NANOS3: variants seen among roughly 807,000 people sequenced by gnomAD.
NANOS3 encodes the protein nanos C2HC-type zinc finger 3, also known as nanos homolog 3.
In NANOS3, 11 loss-of-function variants were observed where a neutral mutation model predicts 13.8. The observed-to-expected ratio is 0.80, with a 90% CI of 0.50 to 1.32. The LOEUF (loss-of-function observed/expected upper bound fraction) is 1.32, where lower values mean the gene tolerates loss of function less well. Among genes scored for constraint, NANOS3 ranks in the 40% most tolerant of loss-of-function variants. The pLI is 0.00. For synonymous variants in NANOS3, 119 were observed against 115.4 expected, an observed-to-expected ratio of 1.03 and a Z score of -0.20; for missense variants, 221 against 263.8, an observed-to-expected ratio of 0.84 and a Z score of 1.12.
At chr19:13,877,904 T>C (rs753732286) in intron 1 of NANOS3, 139 bp downstream of exon 1, 126 of 1,405,054 alleles carry the variant, frequency 9.0e-5, no homozygotes, top group Non-Finnish European at 1.1e-4. Context: ...GTTGATTTTA[T>C]TTACGTATTT....
At chr19:13,867,917 T>C (rs887648951) in intron 1 of NANOS3, among the ~76,000 whole-genome samples, 4 of 152,058 alleles carry the variant, frequency 2.6e-5, no homozygotes, top group Non-Finnish European at 4.4e-5. Context: ...ACATCTACAA[T>C]AATACTGACA....
At chr19:13,877,881 G>C (rs1382507692) in intron 1 of NANOS3, 116 bp downstream of exon 1, 2 of 1,424,972 alleles carry the variant, frequency 1.4e-6, no homozygotes, top group Non-Finnish European at 1.8e-6. Flanking sequence ...CTTAGAGAGA[G>C]CTTAGAACAG....
chr19:13,880,527 G>C lies in NANOS3; in HGVS notation c.*24G>C. ...AGGAGGCTGCCTACACCTGGGCAAG[G>C]GCACCCGGGCTCGGCTGGATTTCCA... On this transcript the variant is annotated 3_prime_UTR_variant, in exon 2 of 2. Transcript: ENST00000339133. 1 of 1,610,136 alleles carries C rather than the reference G, an allele frequency of 6.2e-7. No individual in the cohort carries two copies. The highest frequency in any genetic ancestry group is 8.5e-7 in the Non-Finnish European group (1 of 1,177,074).
chr19:13,874,355 G>A (rs988310275), upstream of NANOS3, among the ~76,000 whole-genome samples: 11 of 152,312 alleles, frequency 7.2e-5, no homozygotes, highest in South Asian at 2.1e-4. Flanking sequence ...GGAACACTTG[G>A]AATGCCTCCT....
Position 13,880,552 on chromosome 19 carries a change from A to G in NANOS3, c.*49A>G, listed in dbSNP as rs1438804084. 1.3e-6 allele frequency: 2 copies of G among 1,544,950 alleles called. No individual in the cohort carries two copies. Among genetic ancestry groups the G allele is most frequent in the Non-Finnish European group, 1.8e-6 (2 of 1,118,532 alleles). ...GGCACCCGGGCTCGGCTGGATTTCC[A>G]GGAAGACCCACCCTATGACGACTGC... On this transcript the variant is annotated 3_prime_UTR_variant, in exon 2 of 2. Coordinates refer to ENST00000339133, the MANE Select transcript of NANOS3 (RefSeq NM_001098622.3).
At chr19:13,869,774 G>GCACACACA (rs745893055) in intron 1 of NANOS3, among the ~76,000 whole-genome samples, 5 of 144,368 alleles carry the variant, frequency 3.5e-5, no homozygotes, top group African/African-American at 1.3e-4. Flanking sequence ...ACACACGCAC[G>GCACACACA]CACACACACA....
rs760001659 is a variant in NANOS3, at chr19:13,877,264, C to T, written c.16C>T (p.Leu6=). Residue 6 remains leucine, a synonymous_variant, in exon 1 of 2, where the codon CTG becomes TTG. Transcript: ENST00000339133. MGTFD[L]WTDYLGLAHL... ...CTGCCCAGCTATGGGGACCTTTGAC[C>T]TGTGGACAGATTACCTGGGTTTGGC... The T allele has an allele frequency of 6.2e-7, 1 of 1,611,644 alleles. No homozygotes were observed. The highest frequency in any genetic ancestry group is 8.5e-7 in the Non-Finnish European group (1 of 1,178,750).
chr19:13,878,808 G>T (rs1459217602), intron 1 of NANOS3, among the ~76,000 whole-genome samples: 1 of 151,076 alleles, frequency 6.6e-6, no homozygotes, highest in African/African-American at 2.4e-5. Context: ...ATAGAAACAG[G>T]GTCTTACTAT....
At chr19:13,865,775 C>T (rs1039663390) in intron 1 of NANOS3, among the ~76,000 whole-genome samples, 23 of 145,414 alleles carry the variant, frequency 1.6e-4, no homozygotes, top group African/African-American at 5.6e-4. Context: ...CGGGGACGCG[C>T]GATGGGGGGC....
At chr19:13,879,029 TC>T (rs1968576628) in intron 1 of NANOS3, among the ~76,000 whole-genome samples, 1 of 151,768 alleles carries the variant, frequency 6.6e-6, no homozygotes, top group Non-Finnish European at 1.5e-5. Flanking sequence ...GCAACCTGTC[TC>T]CCGGGTTCAA....
At chr19:13,871,848 T>A (rs530198046) in intron 1 of NANOS3, among the ~76,000 whole-genome samples, 43 of 151,702 alleles carry the variant, frequency 2.8e-4, no homozygotes, top group African/African-American at 1.0e-3. Flanking sequence ...TGTTTGTTTT[T>A]GTTTTAAGTT....
upstream of NANOS3, among the ~76,000 whole-genome samples, chr19:13,876,916 A>C (rs1312671819): frequency 6.6e-6 from 1 of 152,130 alleles, no homozygotes; most frequent in Non-Finnish European, 1.5e-5. Context: ...AATTCCCTGG[A>C]GGTGTGTACG....
chr19:13,873,314 C>G (rs115892272), upstream of NANOS3, among the ~76,000 whole-genome samples: 6,157 of 142,258 alleles, frequency 0.043, 485 homozygotes, highest in African/African-American at 0.15. Context: ...CTCGGGGGCT[C>G]GGCCGGGTTC....
At chr19:13,876,598 T>C (rs1968518300), upstream of NANOS3, among the ~76,000 whole-genome samples, 1 of 152,076 alleles carries the variant, frequency 6.6e-6, no homozygotes, top group Non-Finnish European at 1.5e-5. Context: ...CCGGGGGGCA[T>C]GATCCTTCCC....
chr19:13,877,804 T>C (rs760307799), intron 1 of NANOS3, 39 bp downstream of exon 1: 336 of 1,516,108 alleles, frequency 2.2e-4, no homozygotes, highest in Non-Finnish European at 2.9e-4. Context: ...TGTCCGAGGG[T>C]AGTGGCTGAG....
upstream of NANOS3, among the ~76,000 whole-genome samples, chr19:13,864,970 T>TC (rs1212833133): frequency 6.6e-6 from 1 of 151,564 alleles, no homozygotes; most frequent in Admixed American, 6.6e-5. Flanking sequence ...GCGCGTGTGC[T>TC]CCCCCCGGCG....
In NANOS3 at chr19:13,879,302, T is replaced by C. The variant is rs544408398; in HGVS notation, c.518-1140T>C. Among the ~76,000 whole-genome samples the C allele has an allele frequency of 3.3e-5, 5 of 152,230 alleles. No individual in the cohort carries two copies. The South Asian group carries it at 1.0e-3, about 32-fold the overall frequency. Reference sequence around the variant, plus strand: ...TTAAATTGCCTTTGAGGAAGTCAGCTAACAGAGGAGGGGCCAGTCTAACTA... The same window carrying C: ...TTAAATTGCCTTTGAGGAAGTCAGCCAACAGAGGAGGGGCCAGTCTAACTA... On this transcript the variant is annotated intron_variant, in intron 1 of 1. Coordinates refer to ENST00000339133, the MANE Select transcript of NANOS3 (RefSeq NM_001098622.3).
At position 13,869,194 on chromosome 19, in the gene NANOS3, T is replaced by C. The variant is rs1446582376; in HGVS notation, n.21+3757T>C. Among the ~76,000 whole-genome samples the C allele has an allele frequency of 3.9e-5, 6 of 152,288 alleles. No homozygotes were observed. The East Asian group carries it at 1.2e-3, about 29-fold the overall frequency. ...TAAAAAATTTTTTTAATTTGTTTTT[T>C]GTAGAGATGAGGTCTCACTGCGTTG... On this transcript the variant is annotated intron_variant and non_coding_transcript_variant, in intron 1 of 2. Transcript: ENST00000591161.
At chr19:13,871,453 C>T (rs1349392875) in intron 1 of NANOS3, among the ~76,000 whole-genome samples, 2 of 152,170 alleles carry the variant, frequency 1.3e-5, no homozygotes, top group African/African-American at 2.4e-5. Context: ...TTGGGGCTGC[C>T]GGCCTCCTGT....
Sources: allele counts gnomAD v4.1 joint callset (sites outside exome capture counted in the v4.1 genomes callset), GRCh38; gene constraint gnomAD v4.1.1; transcripts MANE v1.5; gene names NCBI Gene and HGNC (gene_info 2026-07-23, HGNC 2026-07-21).